Variants in GGT6 observed in about 807,000 individuals in gnomAD.
GGT6 encodes the protein gamma-glutamyltransferase 6, also known as glutathione hydrolase 6.
Under a neutral mutation model 17.0 loss-of-function variants are expected in GGT6, and 13 were observed. The observed-to-expected ratio is 0.77, with a 90% CI of 0.50 to 1.22. The LOEUF (loss-of-function observed/expected upper bound fraction) is 1.22. Among genes scored for constraint, GGT6 ranks in the 50% most tolerant of loss-of-function variants. GGT6 has a pLI of 0.00. For synonymous variants in GGT6, 305 were observed against 297.9 expected (o/e 1.02, Z -0.25); for missense variants, 628 against 643.7 (o/e 0.98, Z 0.26).
rs77128606 is a variant in GGT6 at position 4,558,417 on chromosome 17, G to A, written c.1098C>T (p.Gly366=). ...SSALAAVDSS[G]SVLLLTSSLN... is the part of the protein sequence containing the mutation. ...GCGAGGAGGTGAGAAGGAGCACAGA[G>A]CCGCTGCTGTCCACGGCGGCCAGGG... The change falls in exon 4 of 4, where the codon GGC becomes GGT. Residue 366 remains glycine (G), a synonymous_variant. Transcript: ENST00000381550. 780 of 1,605,656 alleles carry A rather than the reference G, an allele frequency of 4.9e-4. 4 individuals are homozygous for A. The African/African-American group carries it at 9.6e-3, about 20-fold the overall frequency.
At chr17:4,560,114 C>T (rs767476204) in intron 1 of GGT6, among the ~76,000 whole-genome samples, 16 of 152,300 alleles carry the variant, frequency 1.1e-4, no homozygotes, top group Non-Finnish European at 1.9e-4. Context: ...GTGCCTCCTG[C>T]ACCAGGACTT....
In GGT6 at chr17:4,558,112, G is replaced by A. The variant is rs376008623; in HGVS notation, c.1403C>T (p.Thr468Ile). The stretch of plus-strand genomic sequence containing the variant: ...CTGGAGCAGGGTCCCTTGGCCACAA[G>A]TGCTGGGATGCTCTGTTGGTTCTTG... ...GQQEPTEHPS[T>I]CGQGTLLQVA... Residue 468 changes from threonine (T) to isoleucine (I), a missense_variant, in exon 4 of 4, where the codon ACT (threonine) becomes ATT (isoleucine). Thr to Ile is a moderately conservative substitution (Grantham distance 89, BLOSUM62 -1). Transcript: ENST00000381550. 5 of 1,612,418 alleles carry A rather than the reference G, an allele frequency of 3.1e-6. No homozygotes were observed. Among genetic ancestry groups the A allele is most frequent in the Non-Finnish European group, 4.2e-6 (5 of 1,179,050 alleles).
chr17:4,560,495 G>A lies in GGT6; in HGVS notation c.27C>T (p.Val9=). The change falls in exon 1 of 4, where the codon GTC becomes GTT. Residue 9 remains valine, a synonymous_variant. Coordinates refer to ENST00000381550, the MANE Select transcript of GGT6 (RefSeq NM_001288702.2). MERAEEPV[V]YQKLLPWEPS... is the part of the protein sequence containing the mutation. ...GCTCCCAGGGCAGCAGCTTCTGATA[G>A]ACCACGGGCTCTTCTGCCCGCTCCA... is the stretch of plus-strand genomic sequence containing the variant. 1 of 1,612,860 alleles carries A rather than the reference G, an allele frequency of 6.2e-7. No homozygotes were observed. Among genetic ancestry groups the A allele is most frequent in the South Asian group, 1.1e-5 (1 of 91,090 alleles).
At position 4,558,428 on chromosome 17, in the gene GGT6, C is replaced by A; in HGVS notation, c.1087G>T (p.Asp363Tyr). 6.2e-7 allele frequency: 1 copy of A among 1,606,150 alleles called. No homozygotes were observed. Among genetic ancestry groups the A allele is most frequent in the East Asian group, 2.2e-5 (1 of 44,884 alleles). The change falls in exon 4 of 4, where the codon GAC (aspartate) becomes TAC (tyrosine). Residue 363 changes from aspartate (D) to tyrosine (Y), a missense_variant. By Grantham distance (160) the Asp-to-Tyr change is radical (BLOSUM62 -3). Transcript: ENST00000381550. ...SPESSALAAV[D>Y]SSGSVLLLTS... ...AGAAGGAGCACAGAGCCGCTGCTGT[C>A]CACGGCGGCCAGGGCACTGCTCTCG... is the stretch of plus-strand genomic sequence containing the variant.
At chr17:4,559,824 C>T in intron 1 of GGT6, 64 bp from the exon 2 acceptor site, 2 of 1,453,928 alleles carry the variant, frequency 1.4e-6, no homozygotes, top group African/African-American at 1.4e-5. Context: ...CCCCAAGAGA[C>T]CCCAGGGAAT....
chr17:4,560,361 C>T (rs1908553949), intron 1 of GGT6, 21 bp downstream of exon 1: 2 of 1,613,930 alleles, frequency 1.2e-6, no homozygotes, highest in African/African-American at 1.3e-5. Flanking sequence ...AGCCTGGTGC[C>T]CAGACCCCTC....
intron 1 of GGT6, 43 bp from the exon 2 acceptor site, chr17:4,559,803 A>G: frequency 6.4e-7 from 1 of 1,569,298 alleles, no homozygotes; most frequent in South Asian, 1.1e-5. Context: ...GGACAGAGGG[A>G]TGCCCAAGGA....
chr17:4,560,496 A>C lies in GGT6; in HGVS notation c.26T>G (p.Val9Gly). ...CTCCCAGGGCAGCAGCTTCTGATAGACCACGGGCTCTTCTGCCCGCTCCAT... is the reference window on the plus strand; with the variant it reads ...CTCCCAGGGCAGCAGCTTCTGATAGCCCACGGGCTCTTCTGCCCGCTCCAT... MERAEEPV[V>G]YQKLLPWEPS... Residue 9 changes from valine (V) to glycine (G), a missense_variant, in exon 1 of 4, where the codon GTC becomes GGC. Physicochemically the swap from Val to Gly is moderately radical, Grantham distance 109. Transcript: ENST00000381550. The C allele has an allele frequency of 5.6e-6, 9 of 1,612,808 alleles. No homozygotes were observed. The highest frequency in any genetic ancestry group is 7.6e-6 in the Non-Finnish European group (9 of 1,179,986).
chr17:4,560,409 T>TA lies in GGT6; in HGVS notation c.112_113insT (p.Asn38IlefsTer126). On this transcript the variant is annotated frameshift_variant, in exon 1 of 4. Coordinates refer to ENST00000381550, the MANE Select transcript of GGT6 (RefSeq NM_001288702.2). LOFTEE classifies it high-confidence loss of function. ...GGAAGAGTCCTGGTGCCTCCGGGGG[T>TA]TTAGAACCAGCGCCTCTGATGTCTC... The TA allele has an allele frequency of 6.2e-7, 1 of 1,613,824 alleles. No homozygotes were observed. The highest frequency in any genetic ancestry group is 8.5e-7 in the Non-Finnish European group (1 of 1,179,914).
At position 4,559,054 on chromosome 17, in the gene GGT6, G is replaced by C; in HGVS notation, c.461C>G (p.Ala154Gly). 1 of 1,540,412 alleles carries C rather than the reference G, an allele frequency of 6.5e-7. No individual in the cohort carries two copies. Among genetic ancestry groups the C allele is most frequent in the Non-Finnish European group, 8.7e-7 (1 of 1,146,862 alleles). The change falls in exon 4 of 4, where the codon GCC becomes GGC. Residue 154 changes from alanine to glycine, a missense_variant. Physicochemically the swap from Ala to Gly is moderately conservative, Grantham distance 60 (BLOSUM62 0). Transcript: ENST00000381550. The part of the protein sequence containing the change: ...VVHPHATGLG[A>G]MFWGLFHDSS... Reference sequence around the variant, plus strand: ...ATCGTGGAAGAGGCCCCAAAACATGGCACCTGCAGGAGACAGAGGGGTCCC... The same window carrying C: ...ATCGTGGAAGAGGCCCCAAAACATGCCACCTGCAGGAGACAGAGGGGTCCC...
At chr17:4,559,796 C>G (rs775286737) in intron 1 of GGT6, 36 bp from the exon 2 acceptor site, 74 of 1,588,224 alleles carry the variant, frequency 4.7e-5, no homozygotes, top group Non-Finnish European at 5.8e-5. Context: ...ACGGCTGGGA[C>G]AGAGGGATGC....
chr17:4,559,216 A>T (rs1908444728), intron 3 of GGT6, 127 bp downstream of exon 3: 1 of 1,196,212 alleles, frequency 8.4e-7, no homozygotes, highest in African/African-American at 1.5e-5. Flanking sequence ...CTGGGGTTGG[A>T]CTGCTGCCCA....
At chr17:4,559,888 G>A (rs549836107) in intron 1 of GGT6, 128 bp from the exon 2 acceptor site, 3 of 810,538 alleles carry the variant, frequency 3.7e-6, no homozygotes, top group East Asian at 5.4e-5. Flanking sequence ...CAAGGAGAAA[G>A]GGCTTCTTGG....
rs745353628 is a variant in GGT6, at chr17:4,558,984, C to G, written c.531G>C (p.Gln177His). The change falls in exon 4 of 4, where the codon CAG becomes CAC. Residue 177 changes from glutamine to histidine, a missense_variant. Physicochemically the swap from Gln to His is conservative, Grantham distance 24. Coordinates refer to ENST00000381550, the MANE Select transcript of GGT6 (RefSeq NM_001288702.2). ...NSTALTSGPA[Q>H]TLAPGLGLPA... ...GCAGCCCCAGGCCGGGGGCCAGGGT[C>G]TGTGCTGGGCCTGATGTCAGGGCCG... is the stretch of plus-strand genomic sequence containing the variant. The G allele has an allele frequency of 3.9e-6, 6 of 1,545,410 alleles. No homozygotes were observed. The Admixed American group carries it at 1.2e-4, about 30-fold the overall frequency.
Position 4,558,974 on chromosome 17 carries a change from G to A in GGT6, c.541C>T (p.Pro181Ser), listed in dbSNP as rs1193952375. 5 of 1,545,692 alleles carry A rather than the reference G, an allele frequency of 3.2e-6. No individual in the cohort carries two copies. The Admixed American group carries it at 9.8e-5, about 30-fold the overall frequency. ...LTSGPAQTLA[P>S]GLGLPAALPT... ...AGAGCCGCGGGCAGCCCCAGGCCGGGGGCCAGGGTCTGTGCTGGGCCTGAT... is the reference window on the plus strand; with the variant it reads ...AGAGCCGCGGGCAGCCCCAGGCCGGAGGCCAGGGTCTGTGCTGGGCCTGAT... Residue 181 changes from proline to serine, a missense_variant, in exon 4 of 4, where the codon CCC becomes TCC. Coordinates refer to ENST00000381550, the MANE Select transcript of GGT6 (RefSeq NM_001288702.2).
chr17:4,558,786 A>G lies in GGT6; in HGVS notation c.729T>C (p.His243=). 3.8e-6 allele frequency: 6 copies of G among 1,562,700 alleles called. No homozygotes were observed. The highest frequency in any genetic ancestry group is 3.5e-6 in the Non-Finnish European group (4 of 1,153,660). ...CAGCGCCCAGGGGTGTCCCATCAGC[A>G]TGGCAAAGTAGTGGACAGAGGCCTT... ...GTEGLCPLLC[H]ADGTPLGAGA... is the part of the protein sequence containing the mutation. The change falls in exon 4 of 4, where the codon CAT becomes CAC. Residue 243 remains histidine (H), a synonymous_variant. Coordinates refer to ENST00000381550, the MANE Select transcript of GGT6 (RefSeq NM_001288702.2).
rs750871664 is a variant in GGT6 at position 4,560,384 on chromosome 17, G to A, written c.138C>T (p.Ser46=). ...VLNPRRHQDS[S]RNKAGGLPGT... ...GCCCAGACCCCTCCCTTACTTACCT[G>A]GAAGAGTCCTGGTGCCTCCGGGGGT... Residue 46 remains serine, a splice_region_variant and synonymous_variant, in exon 1 of 4, where the codon TCC becomes TCT. Transcript: ENST00000381550. 20 of 1,613,986 alleles carry A rather than the reference G, an allele frequency of 1.2e-5. No homozygotes were observed. Among genetic ancestry groups the A allele is most frequent in the Non-Finnish European group, 1.6e-5 (19 of 1,179,996 alleles).
chr17:4,559,117 G>T, intron 3 of GGT6, 60 bp from the exon 4 acceptor site: 1 of 1,532,256 alleles, frequency 6.5e-7, no homozygotes, highest in Non-Finnish European at 8.8e-7. Flanking sequence ...ACTTGTTTCA[G>T]TCAAGATCCC....
rs1430170361 is a variant in GGT6 at position 4,559,136 on chromosome 17, G to T, written c.458-79C>A. 3 of 1,496,032 alleles carry T rather than the reference G, an allele frequency of 2.0e-6. No individual in the cohort carries two copies. The South Asian group carries it at 3.7e-5, about 18-fold the overall frequency. The allele number at this position is 1,496,032 out of a possible 1,614,324, so 92.7% of individuals were successfully genotyped here. A position where few individuals can be genotyped will look rare whatever the true frequency, so the allele number is the denominator to read the frequency against. On this transcript the variant is annotated intron_variant, in intron 3 of 3. Coordinates refer to ENST00000381550, the MANE Select transcript of GGT6 (RefSeq NM_001288702.2). The stretch of plus-strand genomic sequence containing the variant: ...GTTTCAGTCAAGATCCCTTGACTGA[G>T]CCTGGGATCAGGAGTTACTGACCAG...
Sources: gnomAD v4.1 joint callset for allele counts (sites outside exome capture counted in the v4.1 genomes callset) on GRCh38, gnomAD v4.1.1 for gene constraint, MANE v1.5 for transcripts, NCBI Gene and HGNC (gene_info 2026-07-23, HGNC 2026-07-21) for gene names.